Variants in BCAS3 observed in about 807,000 individuals in gnomAD.
BCAS3 encodes the protein BCAS3 microtubule associated cell migration factor.
Under a neutral mutation model 116.1 loss-of-function variants are expected in BCAS3, and 53 were observed. The observed-to-expected ratio is 0.46, with a 90% CI of 0.37 to 0.57. The LOEUF is 0.57. BCAS3 is among the 20% of genes least tolerant of loss of function. The probability of loss-of-function intolerance (pLI) is 0.00; values close to 1 mark genes in which losing one functional copy is unlikely to be tolerated. For synonymous variants in BCAS3, 391 were observed against 408.2 expected (o/e 0.96, Z 0.51); for missense variants, 917 against 1,165.4 (o/e 0.79, Z 3.10).
intron 6 of BCAS3, among the ~76,000 whole-genome samples, chr17:60,750,470 C>A (rs11869733): frequency 0.72 from 109,405 of 151,466 alleles, 45,007 homozygotes; most frequent in South Asian, 0.97. Context: ...CTAGCCATTA[C>A]AATAAGGCAA....
At position 61,105,758 on chromosome 17, in the gene BCAS3, T is replaced by G. The variant is rs898003740; in HGVS notation, c.2425+21194T>G. On this transcript the variant is annotated intron_variant, in intron 22 of 23. Transcript: ENST00000407086. This position sits in a 1 kb window ranked among gnomAD's most constrained non-coding sequence, Gnocchi z 4.3. ...CACAGAATTCTTATACCTCTTGCTT[T>G]AAGTGTTGGGAGAAAATGGAAAAAA... is the stretch of plus-strand genomic sequence containing the variant. 7.9e-6 allele frequency among the ~76,000 whole-genome samples: 1 copy of G among 126,082 alleles called. No individual in the cohort carries two copies. Among genetic ancestry groups the G allele is most frequent in the Non-Finnish European group, 1.7e-5 (1 of 57,452 alleles). The allele number at this position is 126,082 out of a possible 152,430, so 82.7% of individuals were successfully genotyped here.
intron 23 of BCAS3, chr17:61,389,843 G>C (rs1417310764): frequency 6.6e-6 from 1 of 152,410 alleles, no homozygotes; most frequent in Non-Finnish European, 1.5e-5. Context: ...ATTTGCTGGG[G>C]GCCTATGCCA....
intron 22 of BCAS3, among the ~76,000 whole-genome samples, chr17:61,296,333 T>G (rs753739416): frequency 1.3e-5 from 2 of 152,156 alleles, no homozygotes; most frequent in Non-Finnish European, 2.9e-5. Context: ...ACTAGCACGA[T>G]CACTATGAGT....
At chr17:61,191,307 A>G (rs1398280015) in intron 22 of BCAS3, among the ~76,000 whole-genome samples, 1 of 152,136 alleles carries the variant, frequency 6.6e-6, no homozygotes, top group Non-Finnish European at 1.5e-5. Flanking sequence ...ATGAATAAAG[A>G]CAAATTAGAA....
chr17:60,843,439 G>A (rs1001079913), intron 7 of BCAS3, among the ~76,000 whole-genome samples: 1 of 151,888 alleles, frequency 6.6e-6, no homozygotes, highest in Non-Finnish European at 1.5e-5. Context: ...GGCTGATCTC[G>A]AACTCCTGAT....
intron 6 of BCAS3, among the ~76,000 whole-genome samples, chr17:60,772,628 C>T (rs1179196455): frequency 6.6e-6 from 1 of 152,100 alleles, no homozygotes; most frequent in African/African-American, 2.4e-5. Flanking sequence ...ACCTGTAATC[C>T]CAGCTCTTTG....
At chr17:60,903,703 G>T (rs2058041533) in intron 11 of BCAS3, among the ~76,000 whole-genome samples, 1 of 152,088 alleles carries the variant, frequency 6.6e-6, no homozygotes, top group Non-Finnish European at 1.5e-5. Context: ...AAAGTGCTGG[G>T]GTTACAGGTG....
In BCAS3 at chr17:61,198,504, T is replaced by C. The variant is rs1201169959; in HGVS notation, c.2425+113940T>C. On this transcript the variant is annotated intron_variant, in intron 22 of 23. Transcript: ENST00000407086. The surrounding 1 kb of genome is among the most constrained non-coding windows in gnomAD (Gnocchi z 5.0). ...TTTCTTCTATAATAGCTACAACAAT[T>C]TTATACTAAAACTTTTGGGGGGAAG... 1.3e-5 allele frequency among the ~76,000 whole-genome samples: 2 copies of C among 152,250 alleles called. No individual in the cohort carries two copies. The highest frequency in any genetic ancestry group is 4.8e-5 in the African/African-American group (2 of 41,468).
chr17:61,227,074 T>C lies in BCAS3; in HGVS notation c.2426-141253T>C, dbSNP rs1256543249. ...GTGGTTAACTGTGTGCAACGCCCCT[T>C]TCCCATAGGTTATGGTTACTCCATA... On this transcript the variant is annotated intron_variant, in intron 22 of 23. Transcript: ENST00000407086. The surrounding 1 kb of genome is among the most constrained non-coding windows in gnomAD (Gnocchi z 6.1). Among the ~76,000 whole-genome samples, 2 of 152,202 alleles carry C rather than the reference T, an allele frequency of 1.3e-5. No homozygotes were observed. The highest frequency in any genetic ancestry group is 2.9e-5 in the Non-Finnish European group (2 of 68,030).
chr17:60,757,838 A>T (rs1205710318), intron 6 of BCAS3, among the ~76,000 whole-genome samples: 1 of 151,996 alleles, frequency 6.6e-6, no homozygotes, highest in Non-Finnish European at 1.5e-5. Flanking sequence ...TTTTGCCTAG[A>T]CCTATGTCTT....
intron 7 of BCAS3, among the ~76,000 whole-genome samples, chr17:60,841,546 A>ATTTTTTTTTTTTTT (rs754447784): frequency 2.4e-5 from 3 of 123,488 alleles, no homozygotes; most frequent in African/African-American, 7.0e-5. Context: ...CACCTGGCTA[A>ATTTTTTTTTTTTTT]TTTTTTTTTT....
Position 61,181,147 on chromosome 17 carries a change from G to C in BCAS3, c.2425+96583G>C, listed in dbSNP as rs1264327088. The stretch of plus-strand genomic sequence containing the variant: ...AGCTGGGAGGATCACTTGACCCTAG[G>C]AACTCGAGGCTGCATTGAGCTGTAA... On this transcript the variant is annotated intron_variant, in intron 22 of 23. Transcript: ENST00000407086. This position sits in a 1 kb window ranked among gnomAD's most constrained non-coding sequence, Gnocchi z 5.0. Among the ~76,000 whole-genome samples the C allele has an allele frequency of 2.0e-5, 3 of 152,156 alleles. No homozygotes were observed. The highest frequency in any genetic ancestry group is 4.4e-5 in the Non-Finnish European group (3 of 68,030).
chr17:60,692,052 CAAA>C (rs773823418), intron 4 of BCAS3, among the ~76,000 whole-genome samples: 1 of 109,886 alleles, frequency 9.1e-6, no homozygotes, highest in Non-Finnish European at 2.0e-5. Flanking sequence ...AACTCTGTCT[CAAA>C]AAAAAAAAAA....
intron 22 of BCAS3, among the ~76,000 whole-genome samples, chr17:61,320,670 T>C (rs892785655): frequency 5.3e-5 from 8 of 149,878 alleles, no homozygotes; most frequent in Non-Finnish European, 7.4e-5. Flanking sequence ...AGCGAGACTC[T>C]GTCTCAAAAA....
At chr17:60,688,762 G>A (rs1032938352) in intron 3 of BCAS3, among the ~76,000 whole-genome samples, 7 of 150,420 alleles carry the variant, frequency 4.7e-5, no homozygotes, top group Non-Finnish European at 1.5e-5. Flanking sequence ...GGTACAGTGA[G>A]CCAAAATCAT....
In BCAS3 at chr17:61,063,489, C is replaced by T. The variant is rs1023231835; in HGVS notation, c.2030-11431C>T. On this transcript the variant is annotated intron_variant, in intron 19 of 23. Transcript: ENST00000407086. This position sits in a 1 kb window ranked among gnomAD's most constrained non-coding sequence, Gnocchi z 5.3. Reference sequence around the variant, plus strand: ...TTCACCATGTTAGCCAGGATGGTCTCGATCTCTTGATCTCGTGATCCGCCA... The same window carrying T: ...TTCACCATGTTAGCCAGGATGGTCTTGATCTCTTGATCTCGTGATCCGCCA... 2.0e-5 allele frequency among the ~76,000 whole-genome samples: 3 copies of T among 151,996 alleles called. No individual in the cohort carries two copies. Among genetic ancestry groups the T allele is most frequent in the African/African-American group, 7.2e-5 (3 of 41,402 alleles).
At chr17:61,080,565 A>G (rs1212841836) in intron 21 of BCAS3, among the ~76,000 whole-genome samples, 1 of 152,080 alleles carries the variant, frequency 6.6e-6, no homozygotes, top group African/African-American at 2.4e-5. Flanking sequence ...CAACATGATG[A>G]AACCCCATCA....
intron 4 of BCAS3, among the ~76,000 whole-genome samples, chr17:60,697,942 G>A (rs2035830835): frequency 6.6e-6 from 1 of 152,150 alleles, no homozygotes; most frequent in Non-Finnish European, 1.5e-5. Context: ...CACTTTGGGA[G>A]GCTGGGGCAG....
At chr17:61,225,159 C>CTTTTT (rs5821313) in intron 22 of BCAS3, among the ~76,000 whole-genome samples, 1 of 142,288 alleles carries the variant, frequency 7.0e-6, no homozygotes, top group East Asian at 2.0e-4. Context: ...ATCGCTCTGC[C>CTTTTT]TTTTTTTTTT....
Sources: gnomAD v4.1 joint callset for allele counts (sites outside exome capture counted in the v4.1 genomes callset) on GRCh38, gnomAD v4.1.1 for gene constraint, Gnocchi (gnomAD v3.1) non-coding constraint, MANE v1.5 for transcripts, NCBI Gene and HGNC (gene_info 2026-07-23, HGNC 2026-07-21) for gene names.